B3GALT1: variants seen among roughly 807,000 people sequenced by gnomAD.
The protein encoded by B3GALT1 is beta-1,3-galactosyltransferase 1, also known as UDP-Gal:betaGlcNAc beta 1,3-galactosyltransferase, polypeptide 1.
Under a neutral mutation model 23.2 loss-of-function variants are expected in B3GALT1, and 10 were observed. That is an observed-to-expected ratio of 0.43 (90% CI 0.27 to 0.73). B3GALT1 has a LOEUF of 0.73. Ranked by LOEUF, B3GALT1 falls within the 30% of genes least tolerant of loss-of-function variation. The pLI is 0.21. For missense variants in B3GALT1, 299 were observed against 405.4 expected, an observed-to-expected ratio of 0.74 and a Z score of 2.25; for synonymous variants, 156 against 141.5, an observed-to-expected ratio of 1.10 and a Z score of -0.73.
At chr2:167,574,978 G>A (rs1684356656) in intron 2 of B3GALT1, among the ~76,000 whole-genome samples, 1 of 151,632 alleles carries the variant, frequency 6.6e-6, no homozygotes. Context: ...CCTAAATGCA[G>A]ACTTTACAGC....
intron 1 of B3GALT1, among the ~76,000 whole-genome samples, chr2:167,406,805 G>T (rs1441258709): frequency 6.6e-6 from 1 of 152,120 alleles, no homozygotes; most frequent in East Asian, 1.9e-4. Context: ...CACAGATACA[G>T]ATCCCCTGGG....
chr2:167,727,032 A>G (rs928318236), intron 3 of B3GALT1, among the ~76,000 whole-genome samples: 4 of 152,230 alleles, frequency 2.6e-5, no homozygotes, highest in African/African-American at 9.6e-5. Flanking sequence ...TCTTTGTCCC[A>G]GGTAACAGGC....
chr2:167,692,868 T>G (rs1686736024), intron 3 of B3GALT1, among the ~76,000 whole-genome samples: 1 of 152,206 alleles, frequency 6.6e-6, no homozygotes, highest in South Asian at 2.1e-4. Context: ...CTTCATGGCC[T>G]GTGGATAATC....
At chr2:167,699,066 T>C (rs1686831485) in intron 3 of B3GALT1, among the ~76,000 whole-genome samples, 1 of 152,178 alleles carries the variant, frequency 6.6e-6, no homozygotes, top group South Asian at 2.1e-4. Flanking sequence ...TTTTATTCAA[T>C]ATCTAAAGAA....
At chr2:167,622,460 A>G (rs966270749) in intron 2 of B3GALT1, among the ~76,000 whole-genome samples, 1 of 152,120 alleles carries the variant, frequency 6.6e-6, no homozygotes, top group Non-Finnish European at 1.5e-5. Flanking sequence ...TTAAAAATCT[A>G]GGTATATGAT....
At chr2:167,299,049 C>T (rs1696404295) in intron 1 of B3GALT1, among the ~76,000 whole-genome samples, 1 of 152,142 alleles carries the variant, frequency 6.6e-6, no homozygotes. Context: ...ACATATCATT[C>T]TCCTAAAGTA....
intron 1 of B3GALT1, among the ~76,000 whole-genome samples, chr2:167,377,035 TTG>T (rs566253444): frequency 2.2e-4 from 33 of 152,258 alleles, no homozygotes; most frequent in African/African-American, 6.3e-4. Flanking sequence ...TTTCAAAATG[TTG>T]TGTCTCTGTT....
chr2:167,818,023 GGCAGCTTCAGCCCTCTGGACCTTTTT>G (rs1332037070), intron 3 of B3GALT1, among the ~76,000 whole-genome samples: 1 of 152,140 alleles, frequency 6.6e-6, no homozygotes, highest in Non-Finnish European at 1.5e-5. Context: ...TTTGCCCAAA[GGCAGCTTCAGCCCTCTGGACCTTTTT>G]TATCACTTGG....
chr2:167,824,857 G>A (rs10180101), intron 4 of B3GALT1, among the ~76,000 whole-genome samples: 5,382 of 152,232 alleles, frequency 0.035, 319 homozygotes, highest in African/African-American at 0.12. Context: ...TGCATATGTT[G>A]CATTCAGATG....
chr2:167,403,698 A>G (rs1559086262), intron 1 of B3GALT1, among the ~76,000 whole-genome samples: 1 of 152,098 alleles, frequency 6.6e-6, no homozygotes, highest in Non-Finnish European at 1.5e-5. Context: ...ACTGCGCACA[A>G]TTACTGACAA....
chr2:167,613,055 TAAAG>T (rs1472018914), intron 2 of B3GALT1, among the ~76,000 whole-genome samples: 3 of 151,654 alleles, frequency 2.0e-5, no homozygotes, highest in Non-Finnish European at 4.4e-5. Context: ...TGGGGACAGG[TAAAG>T]AGAGAGGGAA....
intron 2 of B3GALT1, among the ~76,000 whole-genome samples, chr2:167,522,531 A>G (rs939069224): frequency 3.9e-5 from 6 of 152,116 alleles, no homozygotes; most frequent in Non-Finnish European, 8.8e-5. Flanking sequence ...CTCTGCTTCC[A>G]TGTTGGGCTA....
At chr2:167,406,929 T>C (rs1035204236) in intron 1 of B3GALT1, among the ~76,000 whole-genome samples, 22 of 152,304 alleles carry the variant, frequency 1.4e-4, no homozygotes, top group African/African-American at 5.3e-4. Flanking sequence ...ACTGGGCTTA[T>C]AGTGCCAACC....
At chr2:167,606,056 T>C (rs1025033130) in intron 2 of B3GALT1, among the ~76,000 whole-genome samples, 3 of 152,196 alleles carry the variant, frequency 2.0e-5, no homozygotes, top group Non-Finnish European at 2.9e-5. Context: ...AATCAAGATA[T>C]TTTTTAAAGC....
rs552136214 is a variant in B3GALT1 at position 167,821,661 on chromosome 2, T to A, written c.-230+2868T>A. 7.9e-5 allele frequency among the ~76,000 whole-genome samples: 12 copies of A among 152,146 alleles called. No homozygotes were observed. In the South Asian group the frequency reaches 2.5e-3, roughly 32 times the overall value. Reference sequence around the variant, plus strand: ...TGTTGGCCAGGCTGGTCTCGAACTCTTGACCTCAGGTGATCCACCCGCCTC... The same window carrying A: ...TGTTGGCCAGGCTGGTCTCGAACTCATGACCTCAGGTGATCCACCCGCCTC... On this transcript the variant is annotated intron_variant, in intron 4 of 4. Coordinates refer to ENST00000392690, the MANE Select transcript of B3GALT1 (RefSeq NM_020981.4).
chr2:167,777,858 A>C (rs1688187352), intron 3 of B3GALT1, among the ~76,000 whole-genome samples: 1 of 151,978 alleles, frequency 6.6e-6, no homozygotes. Flanking sequence ...TCAACAAATA[A>C]TTTTTTGCCC....
chr2:167,593,838 A>G (rs1684726533), intron 2 of B3GALT1, among the ~76,000 whole-genome samples: 2 of 152,186 alleles, frequency 1.3e-5, no homozygotes, highest in African/African-American at 4.8e-5. Flanking sequence ...AAAGTAATAG[A>G]GAAAAACTGA....
chr2:167,847,476 T>A (rs554579734), intron 4 of B3GALT1, among the ~76,000 whole-genome samples: 1 of 152,274 alleles, frequency 6.6e-6, no homozygotes, highest in East Asian at 1.9e-4. Context: ...AATAACCTGC[T>A]CCTGAATGAG....
chr2:167,483,431 A>G (rs1207346754), intron 1 of B3GALT1, among the ~76,000 whole-genome samples: 1 of 152,256 alleles, frequency 6.6e-6, no homozygotes, highest in Non-Finnish European at 1.5e-5. Context: ...ATATTCAAAG[A>G]TAATTTTCCA....
Sources: allele counts gnomAD v4.1 joint callset (sites outside exome capture counted in the v4.1 genomes callset), GRCh38; gene constraint gnomAD v4.1.1; transcripts MANE v1.5; gene names NCBI Gene and HGNC (gene_info 2026-07-23, HGNC 2026-07-21).